RAB3IL1: variants seen among roughly 807,000 people sequenced by gnomAD.
RAB3IL1 encodes RAB3A interacting protein like 1.
RAB3IL1 carries 37 observed loss-of-function variants against 49.2 expected under a neutral mutation model. The observed-to-expected ratio is 0.75, with a 90% CI of 0.58 to 0.99. RAB3IL1 has a LOEUF of 0.99. Ranked by LOEUF, RAB3IL1 falls within the 50% of genes least tolerant of loss-of-function variation. RAB3IL1 has a pLI of 0.00. For synonymous variants in RAB3IL1, 193 were observed against 213.9 expected, an observed-to-expected ratio of 0.90 and a Z score of 0.85; for missense variants, 484 against 513.0, an observed-to-expected ratio of 0.94 and a Z score of 0.55.
chr11:61,934,450 G>GTGTGTGTATGTATATATA, the RAB3IL1 span, among the ~76,000 whole-genome samples: 2 of 31,616 alleles, frequency 6.3e-5, no homozygotes, highest in Non-Finnish European at 7.0e-5. Flanking sequence ...GTGTGTGTAT[G>GTGTGTGTATGTATATATA]TATATATATA....
chr11:61,924,956 G>A (rs145481884), upstream of RAB3IL1, among the ~76,000 whole-genome samples: 184 of 152,272 alleles, frequency 1.2e-3, no homozygotes, highest in African/African-American at 4.2e-3. Flanking sequence ...AGAAACCTTC[G>A]GGGGGAAAAC....
chr11:61,910,006 C>A (rs112969508), intron 1 of RAB3IL1, among the ~76,000 whole-genome samples: 3 of 152,144 alleles, frequency 2.0e-5, no homozygotes, highest in Non-Finnish European at 2.9e-5. Flanking sequence ...GGTGACAGAG[C>A]GAAACTCTGT....
At chr11:61,934,319 T>TATATAC in the RAB3IL1 span, among the ~76,000 whole-genome samples, 1,048 of 126,544 alleles carry the variant, frequency 8.3e-3, 23 homozygotes, top group South Asian at 0.047. Context: ...TGAGTAAATA[T>TATATAC]ACACACACAC....
At chr11:61,926,877 C>G in the RAB3IL1 span, among the ~76,000 whole-genome samples, 5,535 of 151,866 alleles carry the variant, frequency 0.036, 407 homozygotes, top group South Asian at 0.34. Context: ...TATTTCATCA[C>G]TCTTTCTTGC....
chr11:61,899,054 GGA>G, intron 9 of RAB3IL1: 1 of 565,742 alleles, frequency 1.8e-6, no homozygotes. Flanking sequence ...CCAGGGCCAG[GGA>G]GAGATTCACA....
At chr11:61,935,810 T>G in the RAB3IL1 span, among the ~76,000 whole-genome samples, 1 of 152,018 alleles carries the variant, frequency 6.6e-6, no homozygotes, top group South Asian at 2.1e-4. Flanking sequence ...CCACCACACC[T>G]GGCCTAAATC....
At position 61,907,558 on chromosome 11, in the gene RAB3IL1, G is replaced by A. The variant is rs769646467; in HGVS notation, c.360+7C>T. On this transcript the variant is annotated splice_region_variant and intron_variant, in intron 3 of 9. Transcript: ENST00000394836. ...CCCCAAGTTGTTCCCGCGCCCAGCC[G>A]GTGTACCTCAAACAGGCTGGCCGTC... 1.1e-5 allele frequency: 17 copies of A among 1,613,860 alleles called. No homozygotes were observed. The highest frequency in any genetic ancestry group is 6.7e-5 in the African/African-American group (5 of 74,922).
At chr11:61,931,755 C>T in the RAB3IL1 span, among the ~76,000 whole-genome samples, 1 of 152,078 alleles carries the variant, frequency 6.6e-6, no homozygotes, top group Admixed American at 6.6e-5. Context: ...TGAAAGTAAA[C>T]ATTCACAGAA....
intron 1 of RAB3IL1, among the ~76,000 whole-genome samples, chr11:61,916,341 G>T (rs559280120): frequency 2.1e-4 from 31 of 150,712 alleles, no homozygotes; most frequent in Non-Finnish European, 3.4e-4. Flanking sequence ...GCAAGACTCC[G>T]TCTCAAAAAA....
Position 61,898,244 on chromosome 11 carries a change from G to A in RAB3IL1, c.*34C>T. The stretch of plus-strand genomic sequence containing the variant: ...TTGTTCTGGGGTGGGTGTTTGCTCT[G>A]TCTCAGAGCTCCCCTTCAGGCCTGG... On this transcript the variant is annotated 3_prime_UTR_variant, in exon 10 of 10. Coordinates refer to ENST00000394836, the MANE Select transcript of RAB3IL1 (RefSeq NM_013401.4). The surrounding 1 kb of genome is among the most constrained non-coding windows in gnomAD (Gnocchi z 5.1). 1 of 1,597,710 alleles carries A rather than the reference G, an allele frequency of 6.3e-7. No individual in the cohort carries two copies. Among genetic ancestry groups the A allele is most frequent in the Non-Finnish European group, 8.5e-7 (1 of 1,169,980 alleles).
At chr11:61,903,527 CT>C (rs531045299) in intron 7 of RAB3IL1, among the ~76,000 whole-genome samples, 4,806 of 144,228 alleles carry the variant, frequency 0.033, 147 homozygotes, top group African/African-American at 0.092. Flanking sequence ...CTATTGATGA[CT>C]TTTTTTTTTT....
At chr11:61,912,470 A>AG (rs1252056411) in intron 1 of RAB3IL1, among the ~76,000 whole-genome samples, 1 of 152,158 alleles carries the variant, frequency 6.6e-6, no homozygotes, top group Non-Finnish European at 1.5e-5. Context: ...CAAACCCACA[A>AG]GCATGTCAGG....
intron 2 of RAB3IL1, 54 bp from the exon 3 acceptor site, chr11:61,907,714 G>T: frequency 6.6e-7 from 1 of 1,525,638 alleles, no homozygotes; most frequent in South Asian, 1.1e-5. Flanking sequence ...GGCCTGGCAC[G>T]GGAGGGACCA....
rs913847013 is a variant in RAB3IL1, at chr11:61,898,730, C to T, written c.1067-370G>A. Reference sequence around the variant, plus strand: ...CTCACAAGGACCCTGCGCAGTGAGGCGGGGACCACAGCGGCCATCCAGGGA... The same window carrying T: ...CTCACAAGGACCCTGCGCAGTGAGGTGGGGACCACAGCGGCCATCCAGGGA... On this transcript the variant is annotated intron_variant, in intron 9 of 9. Coordinates refer to ENST00000394836, the MANE Select transcript of RAB3IL1 (RefSeq NM_013401.4). This position sits in a 1 kb window ranked among gnomAD's most constrained non-coding sequence, Gnocchi z 5.1. 5 of 481,360 alleles carry T rather than the reference C, an allele frequency of 1.0e-5. No homozygotes were observed. Among genetic ancestry groups the T allele is most frequent in the Middle Eastern group, 3.1e-4 (1 of 3,222 alleles). The allele number at this position is 481,360 out of a possible 1,614,324, so 29.8% of individuals were successfully genotyped here.
At chr11:61,940,459 A>G in the RAB3IL1 span, among the ~76,000 whole-genome samples, 1 of 151,868 alleles carries the variant, frequency 6.6e-6, no homozygotes, top group Admixed American at 6.6e-5. Flanking sequence ...AAAGAAAAAA[A>G]AAAGTAAATA....
intron 8 of RAB3IL1, among the ~76,000 whole-genome samples, chr11:61,900,470 G>C (rs1293886488): frequency 2.0e-5 from 3 of 152,184 alleles, no homozygotes; most frequent in Non-Finnish European, 2.9e-5. Context: ...GCAAAGATAG[G>C]GAGGTGCGAG....
the RAB3IL1 span, among the ~76,000 whole-genome samples, chr11:61,933,129 A>G: frequency 1.3e-4 from 20 of 152,338 alleles, no homozygotes; most frequent in East Asian, 3.9e-3. Context: ...GTGGTAGGAT[A>G]AAAATGGCCT....
chr11:61,934,450 G>GTATATATATATATATA, the RAB3IL1 span, among the ~76,000 whole-genome samples: 1 of 31,616 alleles, frequency 3.2e-5, no homozygotes, highest in African/African-American at 9.1e-5. Flanking sequence ...GTGTGTGTAT[G>GTATATATATATATATA]TATATATATA....
the RAB3IL1 span, among the ~76,000 whole-genome samples, chr11:61,936,745 A>G: frequency 6.6e-6 from 1 of 152,252 alleles, no homozygotes; most frequent in East Asian, 1.9e-4. Flanking sequence ...CATGGGGGCC[A>G]GATAGTGGGA....
Sources: allele counts gnomAD v4.1 joint callset (sites outside exome capture counted in the v4.1 genomes callset), GRCh38; gene constraint gnomAD v4.1.1; non-coding constraint Gnocchi (gnomAD v3.1); transcripts MANE v1.5; gene names NCBI Gene and HGNC (gene_info 2026-07-23, HGNC 2026-07-21).